ALOX5: variants seen among roughly 807,000 people sequenced by gnomAD.
The protein encoded by ALOX5 is arachidonate 5-lipoxygenase.
ALOX5 carries 64 observed loss-of-function variants against 87.9 expected under a neutral mutation model. The ratio of observed to expected loss-of-function variants is 0.73; its 90% CI spans 0.60 to 0.90. The LOEUF is 0.90. Among genes scored for constraint, ALOX5 ranks in the 40% least tolerant of loss-of-function variants. The probability of loss-of-function intolerance (pLI) is 0.00; values close to 1 mark genes in which losing one functional copy is unlikely to be tolerated. For synonymous variants in ALOX5, 388 were observed against 355.1 expected (o/e 1.09, Z -1.04); for missense variants, 822 against 907.5 (o/e 0.91, Z 1.21).
intron 5 of ALOX5, among the ~76,000 whole-genome samples, chr10:45,424,608 G>A (rs1355550782): frequency 6.6e-6 from 1 of 152,200 alleles, no homozygotes; most frequent in Non-Finnish European, 1.5e-5. Flanking sequence ...GGAATGGCTG[G>A]ACAAGAAGAG....
rs904380966 is a variant in ALOX5 at position 45,392,131 on chromosome 10, G to A, written c.350-3724G>A. 6.6e-5 allele frequency among the ~76,000 whole-genome samples: 10 copies of A among 152,102 alleles called. No individual in the cohort carries two copies. The East Asian group carries it at 7.8e-4, about 12-fold the overall frequency. On this transcript the variant is annotated intron_variant, in intron 2 of 13. Transcript: ENST00000374391. ...GCCAGCTGCCCCGTCCGGGAGGTGAGGGGTGCCTCTGCCTGGCCACCCCTA... is the reference window on the plus strand; with the variant it reads ...GCCAGCTGCCCCGTCCGGGAGGTGAAGGGTGCCTCTGCCTGGCCACCCCTA...
At position 45,382,632 on chromosome 10, in the gene ALOX5, C is replaced by T; in HGVS notation, c.300C>T (p.Cys100=). The T allele has an allele frequency of 1.2e-6, 2 of 1,614,080 alleles. No individual in the cohort carries two copies. The highest frequency in any genetic ancestry group is 8.5e-7 in the Non-Finnish European group (1 of 1,179,980). ...ACGGGGACTACATCGAGTTCCCCTG[C>T]TACCGCTGGATCACCGGCGATGTCG... ...TPHGDYIEFP[C]YRWITGDVEV... The change falls in exon 2 of 14, where the codon TGC becomes TGT. Residue 100 remains cysteine, a synonymous_variant. Transcript: ENST00000374391.
Position 45,395,932 on chromosome 10 carries a change from T to C in ALOX5, c.427T>C (p.Tyr143His). 1 of 1,614,174 alleles carries C rather than the reference T, an allele frequency of 6.2e-7. No individual in the cohort carries two copies. The highest frequency in any genetic ancestry group is 2.2e-5 in the East Asian group (1 of 44,890). ...RKELETRQKQ[Y>H]RWMEWNPGFP... ...AGAACTGGAAACACGGCAAAAACAA[T>C]ATCGGTGAGTTATGACATCAGATCG... Residue 143 changes from tyrosine (Y) to histidine (H), a missense_variant, in exon 3 of 14, where the codon TAT (tyrosine) becomes CAT (histidine). Physicochemically the swap from Tyr to His is moderately conservative, Grantham distance 83 (BLOSUM62 2). Coordinates refer to ENST00000374391, the MANE Select transcript of ALOX5 (RefSeq NM_000698.5).
At chr10:45,427,328 G>A (rs1417344157) in intron 6 of ALOX5, among the ~76,000 whole-genome samples, 2 of 152,184 alleles carry the variant, frequency 1.3e-5, no homozygotes, top group Non-Finnish European at 2.9e-5. Context: ...CACTGTGCCC[G>A]ACCAACCCAA....
intron 2 of ALOX5, among the ~76,000 whole-genome samples, chr10:45,387,121 G>A (rs1057261754): frequency 6.6e-6 from 1 of 152,214 alleles, no homozygotes; most frequent in Admixed American, 6.5e-5. Context: ...ACCCGGAGAA[G>A]TAGGCATTAT....
chr10:45,440,218 T>C (rs142255723), intron 7 of ALOX5, among the ~76,000 whole-genome samples: 92 of 152,286 alleles, frequency 6.0e-4, no homozygotes, highest in Non-Finnish European at 1.2e-3. Flanking sequence ...GAAAGCCCAG[T>C]GTGTCATCCA....
chr10:45,384,791 C>T (rs530597781), intron 2 of ALOX5, among the ~76,000 whole-genome samples: 1 of 151,734 alleles, frequency 6.6e-6, no homozygotes, highest in South Asian at 2.1e-4. Flanking sequence ...GGATGCAGAC[C>T]CCCCCATCTC....
chr10:45,429,447 A>G (rs1425355331), intron 7 of ALOX5, among the ~76,000 whole-genome samples: 1 of 152,194 alleles, frequency 6.6e-6, no homozygotes, highest in African/African-American at 2.4e-5. Flanking sequence ...TGTGGACACA[A>G]TAGCAGCTGG....
At chr10:45,431,676 A>G (rs949246264) in intron 7 of ALOX5, among the ~76,000 whole-genome samples, 4 of 151,438 alleles carry the variant, frequency 2.6e-5, no homozygotes, top group Non-Finnish European at 5.9e-5. Context: ...AGGTTCAAGC[A>G]ATTCTCCTGC....
At chr10:45,391,608 G>A (rs1327153503) in intron 2 of ALOX5, among the ~76,000 whole-genome samples, 1 of 151,502 alleles carries the variant, frequency 6.6e-6, no homozygotes, top group African/African-American at 2.4e-5. Context: ...GGAAAGTGAG[G>A]AGCGTCTCTG....
At chr10:45,437,947 A>G (rs1430467038) in intron 7 of ALOX5, among the ~76,000 whole-genome samples, 6 of 152,212 alleles carry the variant, frequency 3.9e-5, no homozygotes, top group African/African-American at 1.4e-4. Flanking sequence ...CTTTTTGTCT[A>G]AATGCTGATT....
At chr10:45,419,884 G>A (rs1646949259) in intron 4 of ALOX5, among the ~76,000 whole-genome samples, 1 of 152,228 alleles carries the variant, frequency 6.6e-6, no homozygotes, top group African/African-American at 2.4e-5. Flanking sequence ...GCAGGAGGAA[G>A]GGTGAGGACC....
At chr10:45,411,154 C>T (rs1485184126) in intron 3 of ALOX5, among the ~76,000 whole-genome samples, 6 of 152,304 alleles carry the variant, frequency 3.9e-5, no homozygotes, top group Non-Finnish European at 8.8e-5. Flanking sequence ...TTTCTTTTAG[C>T]ATGCTAATGC....
In ALOX5 at chr10:45,428,647, G is replaced by A. The variant is rs1223315531; in HGVS notation, c.864G>A (p.Glu288=). ...GGAACATTTTCATCGTGGACTTTGAGCTGCTGGATGGCATCGATGCCAACA... is the reference window on the plus strand; with the variant it reads ...GGAACATTTTCATCGTGGACTTTGAACTGCTGGATGGCATCGATGCCAACA... ...QQGNIFIVDF[E]LLDGIDANKT... is the part of the protein sequence containing the mutation. Residue 288 remains glutamate (E), a synonymous_variant, in exon 7 of 14, where the codon GAG becomes GAA. Coordinates refer to ENST00000374391, the MANE Select transcript of ALOX5 (RefSeq NM_000698.5). 6.2e-7 allele frequency: 1 copy of A among 1,614,032 alleles called. No homozygotes were observed. Among genetic ancestry groups the A allele is most frequent in the South Asian group, 1.1e-5 (1 of 91,084 alleles).
intron 3 of ALOX5, among the ~76,000 whole-genome samples, chr10:45,410,512 C>G (rs1255418865): frequency 6.6e-6 from 1 of 152,118 alleles, no homozygotes; most frequent in African/African-American, 2.4e-5. Context: ...ATACCCGGTC[C>G]CTGTTCACTT....
intron 3 of ALOX5, among the ~76,000 whole-genome samples, chr10:45,399,883 C>T (rs1301383967): frequency 6.6e-6 from 1 of 152,120 alleles, no homozygotes; most frequent in East Asian, 1.9e-4. Context: ...CTCCAATAAG[C>T]ACGTGAAAAT....
chr10:45,394,424 C>A (rs1048641855), intron 2 of ALOX5, among the ~76,000 whole-genome samples: 46 of 152,210 alleles, frequency 3.0e-4, no homozygotes, highest in Non-Finnish European at 5.9e-4. Flanking sequence ...GAAGCTGGAT[C>A]CCTTCCTTAC....
intron 6 of ALOX5, among the ~76,000 whole-genome samples, chr10:45,427,208 C>T (rs575448302): frequency 6.6e-6 from 1 of 152,214 alleles, no homozygotes; most frequent in South Asian, 2.1e-4. Flanking sequence ...CTTCACCAGC[C>T]TGGGTGGTCT....
chr10:45,382,347 C>T, intron 1 of ALOX5, 136 bp from the exon 2 acceptor site: 1 of 832,920 alleles, frequency 1.2e-6, no homozygotes, highest in South Asian at 1.7e-5. Context: ...CTTGCACCTG[C>T]TGTTTTTTTA....
Sources: allele counts gnomAD v4.1 joint callset (sites outside exome capture counted in the v4.1 genomes callset), GRCh38; gene constraint gnomAD v4.1.1; transcripts MANE v1.5; gene names NCBI Gene and HGNC (gene_info 2026-07-23, HGNC 2026-07-21).